TECTA: variants seen among roughly 807,000 people sequenced by gnomAD.
TECTA encodes tectorin alpha, also known as alpha-tectorin.
Under a neutral mutation model 216.8 loss-of-function variants are expected in TECTA, and 128 were observed. That is an observed-to-expected ratio of 0.59 (90% confidence interval 0.51 to 0.68). The LOEUF is 0.68. Among genes scored for constraint, TECTA ranks in the 30% least tolerant of loss-of-function variants. The pLI is 0.00. For missense variants in TECTA, 2,551 were observed against 2,786.2 expected (o/e 0.92, Z 1.90); for synonymous variants, 1,089 against 1,117.1 (o/e 0.97, Z 0.50).
chr11:121,133,542 G>A (rs1565525369), intron 10 of TECTA, among the ~76,000 whole-genome samples: 1 of 152,014 alleles, frequency 6.6e-6, no homozygotes, highest in Non-Finnish European at 1.5e-5. Flanking sequence ...CTTTAATCTG[G>A]AACAATGACT....
At chr11:121,120,292 G>A (rs749607340) in intron 7 of TECTA, among the ~76,000 whole-genome samples, 4 of 152,214 alleles carry the variant, frequency 2.6e-5, no homozygotes, top group Non-Finnish European at 5.9e-5. Flanking sequence ...ACAGGGCGAT[G>A]TGGGTGAATG....
At chr11:121,132,157 A>T (rs536473944) in intron 10 of TECTA, among the ~76,000 whole-genome samples, 2 of 152,312 alleles carry the variant, frequency 1.3e-5, no homozygotes, top group South Asian at 4.1e-4. Context: ...TTTCTAATTC[A>T]ATGGCTCCTG....
chr11:121,120,250 A>G (rs1032972796), intron 7 of TECTA, among the ~76,000 whole-genome samples: 1 of 152,196 alleles, frequency 6.6e-6, no homozygotes, highest in Admixed American at 6.5e-5. Flanking sequence ...TCGTCCAAGC[A>G]TAGGGCATGG....
chr11:121,107,523 A>T (rs992133873), intron 3 of TECTA, among the ~76,000 whole-genome samples: 3 of 152,190 alleles, frequency 2.0e-5, no homozygotes, highest in African/African-American at 7.2e-5. Flanking sequence ...TGCCTCTGGG[A>T]TCTGGGCCAC....
At chr11:121,182,147 C>A (rs138187515) in intron 20 of TECTA, among the ~76,000 whole-genome samples, 1 of 151,848 alleles carries the variant, frequency 6.6e-6, no homozygotes, top group African/African-American at 2.4e-5. Flanking sequence ...AGCTTTTGGG[C>A]CCCTGGGTGG....
rs185956117 is a variant in TECTA, at chr11:121,105,628, T to C, written c.65-203T>C. Among the ~76,000 whole-genome samples the C allele has an allele frequency of 6.6e-6, 1 of 152,238 alleles. No individual in the cohort carries two copies. The highest frequency in any genetic ancestry group is 2.4e-5 in the African/African-American group (1 of 41,462). On this transcript the variant is annotated intron_variant, in intron 2 of 23. Transcript: ENST00000392793. This position sits in a 1 kb window ranked among gnomAD's most constrained non-coding sequence, Gnocchi z 5.3. ...AGTGCTTTCTCCTATGGAGAAACAA[T>C]GTCACTCCCATTTTCCCGTTTCCCA...
rs771591377 is a variant in TECTA, at chr11:121,157,903, G to A, written c.4368G>A (p.Val1456=). Residue 1456 remains valine (V), a synonymous_variant, in exon 14 of 24, where the codon GTG becomes GTA. Transcript: ENST00000392793. ...TRRCRCFRRN[V]IQCDPRQCKS... is the part of the protein sequence containing the mutation. ...GCTGCCGCTGTTTCCGTCGCAACGT[G>A]ATTCAGTGCGACCCGCGCCAATGCA... 6.2e-7 allele frequency: 1 copy of A among 1,614,248 alleles called. No homozygotes were observed. Among genetic ancestry groups the A allele is most frequent in the Non-Finnish European group, 8.5e-7 (1 of 1,180,048 alleles).
intron 20 of TECTA, among the ~76,000 whole-genome samples, chr11:121,185,125 C>A (rs1464876589): frequency 6.6e-6 from 1 of 152,210 alleles, no homozygotes; most frequent in African/African-American, 2.4e-5. Flanking sequence ...TCTCAGCTTA[C>A]CCCAGTGTCT....
intron 10 of TECTA, among the ~76,000 whole-genome samples, chr11:121,137,137 C>G (rs1297442857): frequency 6.6e-6 from 1 of 152,238 alleles, no homozygotes; most frequent in African/African-American, 2.4e-5. Flanking sequence ...CTCACATGCA[C>G]ACACACGTGC....
At chr11:121,152,733 G>A (rs1025350183) in intron 12 of TECTA, 148 bp from the exon 13 acceptor site, 8 of 741,816 alleles carry the variant, frequency 1.1e-5, no homozygotes, top group African/African-American at 8.8e-5. Flanking sequence ...TGAGCAAAGA[G>A]GGCAGTAATG....
Position 121,140,461 on chromosome 11 carries a change from C to T in TECTA, c.3543+2439C>T, listed in dbSNP as rs535127130. Among the ~76,000 whole-genome samples, 9 of 152,366 alleles carry T rather than the reference C, an allele frequency of 5.9e-5. 1 individual carries two copies. In the South Asian group the frequency reaches 1.9e-3, roughly 32 times the overall value. Reference sequence around the variant, plus strand: ...GAAGTCCCAAGCCTGGAGAACCACACAGCTGACTTCTTCCTCACAGAGAGG... The same window carrying T: ...GAAGTCCCAAGCCTGGAGAACCACATAGCTGACTTCTTCCTCACAGAGAGG... On this transcript the variant is annotated intron_variant, in intron 11 of 23. Transcript: ENST00000392793.
Position 121,127,736 on chromosome 11 carries a change from C to T in TECTA, c.1775-16C>T, listed in dbSNP as rs1008705876. ...CATTCACCTTGTTATCGGCTCTCTT[C>T]CTTTCCCCGCGTCAGTGTCCACAGT... On this transcript the variant is annotated splice_polypyrimidine_tract_variant and intron_variant, in intron 8 of 23. Coordinates refer to ENST00000392793, the MANE Select transcript of TECTA (RefSeq NM_005422.4). The surrounding 1 kb of genome is among the most constrained non-coding windows in gnomAD (Gnocchi z 5.0). The T allele has an allele frequency of 6.2e-6, 10 of 1,613,784 alleles. No individual in the cohort carries two copies. In the African/African-American group the frequency reaches 6.7e-5, roughly 11 times the overall value.
intron 12 of TECTA, among the ~76,000 whole-genome samples, chr11:121,151,969 A>C (rs1946894655): frequency 6.6e-6 from 1 of 152,240 alleles, no homozygotes; most frequent in Non-Finnish European, 1.5e-5. Context: ...CTTACATGCC[A>C]ACCACTGTTC....
At chr11:121,107,480 G>T (rs1355073140) in intron 3 of TECTA, among the ~76,000 whole-genome samples, 1 of 152,166 alleles carries the variant, frequency 6.6e-6, no homozygotes, top group African/African-American at 2.4e-5. Context: ...TTCCAAACAC[G>T]TAGACCTACC....
At chr11:121,122,686 AAAAAAAAG>A (rs1015333922) in intron 7 of TECTA, among the ~76,000 whole-genome samples, 10 of 146,310 alleles carry the variant, frequency 6.8e-5, no homozygotes, top group East Asian at 2.0e-4. Context: ...AAAAAAAAAA[AAAAAAAAG>A]AAAGCCAAAA....
intron 8 of TECTA, among the ~76,000 whole-genome samples, chr11:121,126,829 G>T (rs903161763): frequency 6.6e-6 from 1 of 152,208 alleles, no homozygotes; most frequent in Non-Finnish European, 1.5e-5. Flanking sequence ...TATGACCAGA[G>T]CATCCATATT....
At chr11:121,138,674 T>C (rs115076910) in intron 11 of TECTA, among the ~76,000 whole-genome samples, 50,632 of 151,662 alleles carry the variant, frequency 0.33, 12,380 homozygotes, top group African/African-American at 0.7. Context: ...TCCTTGGCCA[T>C]GAAGACAGGA....
rs1281689118 is a variant in TECTA at position 121,189,821 on chromosome 11, A to T, written c.6308A>T (p.Asp2103Val). 1 of 1,613,924 alleles carries T rather than the reference A, an allele frequency of 6.2e-7. No homozygotes were observed. The highest frequency in any genetic ancestry group is 8.5e-7 in the Non-Finnish European group (1 of 1,179,988). ...GAGCAGATTTGCACGAGCCGGGTGG[A>T]TGGGCCTCTCTGCAGCTGTGTAACA... ...GCEQICTSRV[D>V]GPLCSCVTGT... The change falls in exon 23 of 24, where the codon GAT becomes GTT. Residue 2103 changes from aspartate (D) to valine (V), a missense_variant. Physicochemically the swap from Asp to Val is radical, Grantham distance 152 (BLOSUM62 -3). Around this residue, in one of 3 missense-constraint regions of TECTA, gnomAD observed 118 missense variants for 116.4 expected, o/e 1.01. Transcript: ENST00000392793.
chr11:121,128,202 C>T lies in TECTA; in HGVS notation c.2225C>T (p.Thr742Ile). 6.2e-7 allele frequency: 1 copy of T among 1,605,980 alleles called. No homozygotes were observed. Among genetic ancestry groups the T allele is most frequent in the Non-Finnish European group, 8.5e-7 (1 of 1,179,980 alleles). The change falls in exon 9 of 24, where the codon ACC becomes ATC. Residue 742 changes from threonine (T) to isoleucine (I), a missense_variant. Transcript: ENST00000392793. ...PSEFSYTLLK[T>I]CPERPEYLEI... Reference sequence around the variant, plus strand: ...GAGTTCTCCTACACCCTCCTGAAGACCTGCCCTGAGCGCCCAGAGTACTTG... The same window carrying T: ...GAGTTCTCCTACACCCTCCTGAAGATCTGCCCTGAGCGCCCAGAGTACTTG...
Sources: gnomAD v4.1 joint callset for allele counts (sites outside exome capture counted in the v4.1 genomes callset) on GRCh38, gnomAD v4.1.1 for gene constraint, gnomAD v4.1.1 regional missense constraint, Gnocchi (gnomAD v3.1) non-coding constraint, MANE v1.5 for transcripts, NCBI Gene and HGNC (gene_info 2026-07-23, HGNC 2026-07-21) for gene names.